Variants in PTER observed in about 807,000 individuals in gnomAD.
PTER encodes phosphotriesterase related, also known as N-acetyltaurine hydrolase.
A neutral mutation model predicts 29.6 loss-of-function variants in PTER; 38 were observed. The observed-to-expected ratio is 1.28, with a 90% CI of 0.99 to 1.68. PTER has a LOEUF of 1.68. Ranked by LOEUF, PTER falls within the 40% of genes most tolerant of loss-of-function variation. The pLI, the probability that PTER is intolerant of heterozygous loss-of-function variation, is 0.00. For synonymous variants in PTER, 172 were observed against 154.5 expected, an observed-to-expected ratio of 1.11 and a Z score of -0.84; for missense variants, 482 against 427.8, an observed-to-expected ratio of 1.13 and a Z score of -1.12.
At chr10:16,508,168 A>C (rs1247276436) in intron 4 of PTER, among the ~76,000 whole-genome samples, 1 of 144,244 alleles carries the variant, frequency 6.9e-6, no homozygotes, top group Non-Finnish European at 1.5e-5. Flanking sequence ...TCCCAGGTTC[A>C]CGCCATTCTC....
At chr10:16,442,911 G>A (rs1436727263) in intron 1 of PTER, among the ~76,000 whole-genome samples, 1 of 152,142 alleles carries the variant, frequency 6.6e-6, no homozygotes, top group Admixed American at 6.5e-5. Context: ...GGCGAAGGTT[G>A]CAGTGAGCCA....
At chr10:16,506,748 G>A (rs917644342) in intron 4 of PTER, among the ~76,000 whole-genome samples, 32 of 151,404 alleles carry the variant, frequency 2.1e-4, no homozygotes, top group Admixed American at 2.0e-3. Context: ...TCTGTGAGGT[G>A]GACATGGTTA....
chr10:16,484,844 T>G (rs754110549), intron 2 of PTER, 28 bp downstream of exon 2: 1 of 1,550,942 alleles, frequency 6.4e-7, no homozygotes, highest in East Asian at 2.3e-5. Flanking sequence ...TTTGACAGTA[T>G]TTGTTCATAA....
At chr10:16,464,602 A>T (rs1465730591) in intron 1 of PTER, among the ~76,000 whole-genome samples, 1 of 152,064 alleles carries the variant, frequency 6.6e-6, no homozygotes, top group African/African-American at 2.4e-5. Context: ...AGTATTTTTC[A>T]CTGTAAGCTA....
intron 3 of PTER, among the ~76,000 whole-genome samples, chr10:16,500,763 CA>C (rs1375746729): frequency 1.3e-5 from 2 of 151,918 alleles, no homozygotes; most frequent in African/African-American, 4.8e-5. Flanking sequence ...TTTTTAGAGT[CA>C]GGGGCTCACT....
intron 3 of PTER, among the ~76,000 whole-genome samples, chr10:16,501,752 C>T (rs1836358765): frequency 6.6e-6 from 1 of 152,120 alleles, no homozygotes; most frequent in Non-Finnish European, 1.5e-5. Context: ...TAGGAGAAGC[C>T]ATACAGTATG....
intron 1 of PTER, among the ~76,000 whole-genome samples, chr10:16,456,425 C>T (rs1588590013): frequency 1.3e-5 from 2 of 152,282 alleles, no homozygotes; most frequent in Admixed American, 6.5e-5. Context: ...TGCCAGTCTC[C>T]GCAGTGTGCA....
intron 1 of PTER, among the ~76,000 whole-genome samples, chr10:16,473,518 C>T (rs1373749080): frequency 3.2e-5 from 2 of 61,838 alleles, no homozygotes; most frequent in Admixed American, 2.4e-4. Flanking sequence ...AGACTCCATC[C>T]GAAAAAAAAA....
intron 1 of PTER, among the ~76,000 whole-genome samples, chr10:16,473,934 C>G (rs1218305448): frequency 6.6e-6 from 1 of 152,092 alleles, no homozygotes; most frequent in Non-Finnish European, 1.5e-5. Flanking sequence ...AATAAAGTAC[C>G]TGGCCGGGCA....
downstream of PTER, chr10:16,513,982 T>A (rs931204740): frequency 4.3e-6 from 1 of 232,802 alleles, no homozygotes; most frequent in African/African-American, 2.2e-5. Flanking sequence ...AGGCTTGAAG[T>A]TGAATCATTC....
chr10:16,473,075 C>T (rs570052283), intron 1 of PTER, among the ~76,000 whole-genome samples: 15 of 151,080 alleles, frequency 9.9e-5, no homozygotes, highest in Admixed American at 4.0e-4. Flanking sequence ...GCACATTGTA[C>T]TTTATTCACT....
At position 16,512,724 on chromosome 10, in the gene PTER, A is replaced by T. The variant is rs3087659; in HGVS notation, c.*1468A>T. On this transcript the variant is annotated 3_prime_UTR_variant, in exon 5 of 5. Transcript: ENST00000535784. ...AAACTAATTCCTTTAAATAAATAAA[A>T]AAAAAAAATGCAAATGTCCTTCACC... 91,173 of 151,972 alleles carry T rather than the reference A, an allele frequency of 0.6. 28,481 individuals carry two copies. The highest frequency in any genetic ancestry group is 0.78 in the African/African-American group (32,420 of 41,448). 9.4% of individuals were successfully genotyped at this position (151,972 alleles called of 1,614,324 possible).
intron 1 of PTER, among the ~76,000 whole-genome samples, chr10:16,469,288 G>A (rs978184528): frequency 1.3e-5 from 2 of 152,168 alleles, no homozygotes; most frequent in Non-Finnish European, 2.9e-5. Context: ...TGAGTGCAGA[G>A]TGGGTTCATA....
At chr10:16,453,634 A>C (rs1200022381) in intron 1 of PTER, among the ~76,000 whole-genome samples, 1 of 152,198 alleles carries the variant, frequency 6.6e-6, no homozygotes, top group Admixed American at 6.5e-5. Flanking sequence ...GTTTATACTA[A>C]GTTTATAGTA....
At chr10:16,472,936 AGTATTT>A (rs1325133128) in intron 1 of PTER, among the ~76,000 whole-genome samples, 2 of 152,134 alleles carry the variant, frequency 1.3e-5, no homozygotes, top group Non-Finnish European at 2.9e-5. Flanking sequence ...TAAAAGATAA[AGTATTT>A]GTAGAGTAAT....
chr10:16,482,813 G>T lies in PTER; in HGVS notation c.-48-1524G>T, dbSNP rs769038093. On this transcript the variant is annotated intron_variant, in intron 1 of 4. Coordinates refer to ENST00000535784, the MANE Select transcript of PTER (RefSeq NM_001261836.2). Reference sequence around the variant, plus strand: ...ATTTTTTTTTTTGAGACATAATCTCGCTCTGTTTCCCAGGCTGGAGTGCAG... The same window carrying T: ...ATTTTTTTTTTTGAGACATAATCTCTCTCTGTTTCCCAGGCTGGAGTGCAG... 3.2e-4 allele frequency among the ~76,000 whole-genome samples: 49 copies of T among 151,468 alleles called. 1 individual carries two copies. The highest frequency in any genetic ancestry group is 3.2e-3 in the Middle Eastern group (1 of 316).
At chr10:16,473,019 CAAA>C (rs375172424) in intron 1 of PTER, among the ~76,000 whole-genome samples, 2 of 135,078 alleles carry the variant, frequency 1.5e-5, no homozygotes, top group Non-Finnish European at 1.6e-5. Flanking sequence ...AAACTTCAAC[CAAA>C]AAAAAAAAAA....
intron 1 of PTER, among the ~76,000 whole-genome samples, chr10:16,478,335 G>GTT (rs34168657): frequency 0.012 from 1,736 of 140,118 alleles, 40 homozygotes; most frequent in African/African-American, 0.037. Context: ...CCTCGTTTCC[G>GTT]TTTTTTTTTT....
rs139359686 is a variant in PTER at position 16,447,806 on chromosome 10, C to T, written c.-49+10759C>T. 1.3e-4 allele frequency among the ~76,000 whole-genome samples: 20 copies of T among 152,304 alleles called. No homozygotes were observed. The East Asian group carries it at 3.9e-3, about 29-fold the overall frequency. ...TCCTAGTCTTCTCTTCCTCTGTCAACTGATCATAGGGAACTCCCCATGATA... is the reference window on the plus strand; with the variant it reads ...TCCTAGTCTTCTCTTCCTCTGTCAATTGATCATAGGGAACTCCCCATGATA... On this transcript the variant is annotated intron_variant, in intron 1 of 4. Coordinates refer to ENST00000535784, the MANE Select transcript of PTER (RefSeq NM_001261836.2).
Sources: gnomAD v4.1 joint callset for allele counts (sites outside exome capture counted in the v4.1 genomes callset) on GRCh38, gnomAD v4.1.1 for gene constraint, MANE v1.5 for transcripts, NCBI Gene and HGNC (gene_info 2026-07-23, HGNC 2026-07-21) for gene names.